BMP6: variants seen among roughly 807,000 people sequenced by gnomAD.
BMP6 encodes the protein bone morphogenetic protein 6.
In BMP6, 17 loss-of-function variants were observed where a neutral mutation model predicts 54.1. That is an observed-to-expected ratio of 0.31 (90% CI 0.22 to 0.47). BMP6 has a LOEUF of 0.47. Among genes scored for constraint, BMP6 ranks in the 20% least tolerant of loss-of-function variants. The probability of loss-of-function intolerance (pLI) is 1.00; values close to 1 mark genes in which losing one functional copy is unlikely to be tolerated. For synonymous variants in BMP6, 328 were observed against 291.2 expected, an observed-to-expected ratio of 1.13 and a Z score of -1.28; for missense variants, 720 against 690.4, an observed-to-expected ratio of 1.04 and a Z score of -0.48.
At chr6:7,825,003 C>T (rs999086403) in intron 1 of BMP6, among the ~76,000 whole-genome samples, 15 of 152,212 alleles carry the variant, frequency 9.9e-5, no homozygotes, top group African/African-American at 3.4e-4. Flanking sequence ...GGGATTCACA[C>T]CCTGTTGTAT....
chr6:7,848,491 C>G (rs570960433), intron 2 of BMP6, among the ~76,000 whole-genome samples: 3 of 152,148 alleles, frequency 2.0e-5, no homozygotes, highest in Non-Finnish European at 4.4e-5. Context: ...ATTTCATCCT[C>G]GGTCAGTCAG....
chr6:7,841,460 G>A (rs999559618), intron 1 of BMP6, among the ~76,000 whole-genome samples: 1 of 152,296 alleles, frequency 6.6e-6, no homozygotes, highest in Non-Finnish European at 1.5e-5. Context: ...CCATTGTGGC[G>A]TTCAGGTGCA....
chr6:7,770,787 A>G (rs1250808737), intron 1 of BMP6, among the ~76,000 whole-genome samples: 1 of 152,178 alleles, frequency 6.6e-6, no homozygotes, highest in African/African-American at 2.4e-5. Flanking sequence ...GGTGATCCCT[A>G]TTATTTGAAG....
At chr6:7,732,049 A>G (rs1271725984) in intron 1 of BMP6, among the ~76,000 whole-genome samples, 1 of 152,224 alleles carries the variant, frequency 6.6e-6, no homozygotes, top group Non-Finnish European at 1.5e-5. Context: ...CTTGGGAAAC[A>G]TAAATAAGAA....
At position 7,823,151 on chromosome 6, in the gene BMP6, C is replaced by T. The variant is rs57694598; in HGVS notation, c.665-21989C>T. On this transcript the variant is annotated intron_variant, in intron 1 of 6. Transcript: ENST00000283147. ...GGGGATTGCAGTTACCACCACGACA[C>T]GTCCCAAACATTTCCTGAGCATCTC... Among the ~76,000 whole-genome samples the T allele has an allele frequency of 8.4e-3, 1,286 of 152,256 alleles. 30 individuals carry two copies. Among genetic ancestry groups the T allele is most frequent in the African/African-American group, 0.029 (1,212 of 41,520 alleles).
intron 1 of BMP6, among the ~76,000 whole-genome samples, chr6:7,732,174 G>T (rs1233303900): frequency 1.3e-5 from 2 of 152,198 alleles, no homozygotes; most frequent in Non-Finnish European, 2.9e-5. Context: ...TACTTAAGAA[G>T]ATTTTTGTTA....
chr6:7,811,908 A>G (rs1198045941), intron 1 of BMP6, among the ~76,000 whole-genome samples: 1 of 152,210 alleles, frequency 6.6e-6, no homozygotes, highest in African/African-American at 2.4e-5. Context: ...AAAAACTGGG[A>G]TTCTTAACTA....
intron 1 of BMP6, among the ~76,000 whole-genome samples, chr6:7,729,297 C>T (rs376738678): frequency 8.5e-5 from 13 of 152,128 alleles, no homozygotes; most frequent in Non-Finnish European, 1.6e-4. Flanking sequence ...TTGCTCTCTT[C>T]CTCTCCTCTC....
intron 1 of BMP6, among the ~76,000 whole-genome samples, chr6:7,819,497 G>A (rs987088494): frequency 7.2e-5 from 11 of 152,068 alleles, no homozygotes; most frequent in Non-Finnish European, 1.5e-4. Flanking sequence ...TTTGGCAAAC[G>A]GAGATAAACA....
intron 1 of BMP6, among the ~76,000 whole-genome samples, chr6:7,815,212 C>G (rs930563651): frequency 3.3e-5 from 5 of 152,156 alleles, no homozygotes; most frequent in African/African-American, 4.8e-5. Context: ...CTCCTAGAAG[C>G]TGAGGACTCC....
intron 2 of BMP6, among the ~76,000 whole-genome samples, 192 bp downstream of exon 2, chr6:7,845,524 G>C (rs1272150449): frequency 6.6e-6 from 1 of 152,168 alleles, no homozygotes; most frequent in Admixed American, 6.5e-5. Flanking sequence ...TTTCCAAATA[G>C]CTATCTTTTC....
In BMP6 at chr6:7,862,469, A is replaced by G. The variant is rs1204573796; in HGVS notation, c.1175A>G (p.Gln392Arg). 1.2e-6 allele frequency: 2 copies of G among 1,614,154 alleles called. No homozygotes were observed. The highest frequency in any genetic ancestry group is 1.7e-5 in the Admixed American group (1 of 60,030). Residue 392 changes from glutamine (Q) to arginine (R), a missense_variant, in exon 4 of 7, where the codon CAG becomes CGG. Gln to Arg is a conservative substitution (Grantham distance 43). This residue lies in a region of BMP6 where 650 missense variants were observed against 556.3 expected (regional missense o/e 1.17). Coordinates refer to ENST00000283147, the MANE Select transcript of BMP6 (RefSeq NM_001718.6). ...AGTCGTAATCGCTCTACCCAGTCCCAGGACGTGGCGCGGGTCTCCAGTGCT... is the reference window on the plus strand; with the variant it reads ...AGTCGTAATCGCTCTACCCAGTCCCGGGACGTGGCGCGGGTCTCCAGTGCT... Reference protein sequence around the residue: ...QQSRNRSTQSQDVARVSSASD... With the variant: ...QQSRNRSTQSRDVARVSSASD...
At chr6:7,878,091 T>C (rs568772682) in intron 4 of BMP6, among the ~76,000 whole-genome samples, 12 of 152,178 alleles carry the variant, frequency 7.9e-5, no homozygotes, top group Middle Eastern at 3.4e-3. Context: ...TCCTCTCTCT[T>C]CCTCTCACTC....
At chr6:7,826,832 A>G (rs1294409221) in intron 1 of BMP6, among the ~76,000 whole-genome samples, 3 of 152,142 alleles carry the variant, frequency 2.0e-5, no homozygotes, top group Non-Finnish European at 4.4e-5. Context: ...TCCACGCTGC[A>G]TGGCTGATTC....
intron 1 of BMP6, among the ~76,000 whole-genome samples, chr6:7,734,480 C>A (rs1412501109): frequency 2.6e-5 from 4 of 152,146 alleles, no homozygotes; most frequent in African/African-American, 4.8e-5. Context: ...GGAGAAATTA[C>A]AAAAGCAGGC....
At chr6:7,794,960 T>C (rs745633228) in intron 1 of BMP6, among the ~76,000 whole-genome samples, 1 of 152,152 alleles carries the variant, frequency 6.6e-6, no homozygotes, top group African/African-American at 2.4e-5. Flanking sequence ...ATAGAGAAAT[T>C]TTCCAAGACC....
intron 4 of BMP6, among the ~76,000 whole-genome samples, chr6:7,875,667 C>A (rs2113294343): frequency 6.6e-6 from 1 of 152,038 alleles, no homozygotes; most frequent in Admixed American, 6.6e-5. Context: ...AACCCCATTG[C>A]AGAAAAAAAA....
At chr6:7,798,656 A>G (rs1330999845) in intron 1 of BMP6, among the ~76,000 whole-genome samples, 1 of 151,962 alleles carries the variant, frequency 6.6e-6, no homozygotes, top group Non-Finnish European at 1.5e-5. Flanking sequence ...ACACTCACTC[A>G]CTCGGCACTG....
chr6:7,794,072 CAG>C (rs1487714046), intron 1 of BMP6, among the ~76,000 whole-genome samples: 1 of 152,220 alleles, frequency 6.6e-6, no homozygotes, highest in Non-Finnish European at 1.5e-5. Flanking sequence ...GGCTCGTACT[CAG>C]AGGCCTGTGG....
Sources: gnomAD v4.1 joint callset for allele counts (sites outside exome capture counted in the v4.1 genomes callset) on GRCh38, gnomAD v4.1.1 for gene constraint, gnomAD v4.1.1 regional missense constraint, MANE v1.5 for transcripts, NCBI Gene and HGNC (gene_info 2026-07-23, HGNC 2026-07-21) for gene names.